MED28: variants seen among roughly 807,000 people sequenced by gnomAD.
The protein encoded by MED28 is mediator complex subunit 28.
A neutral mutation model predicts 21.3 loss-of-function variants in MED28; 26 were observed. That is an observed-to-expected ratio of 1.22 (90% CI 0.89 to 1.69). The LOEUF (loss-of-function observed/expected upper bound fraction) is 1.69, where lower values mean the gene tolerates loss of function less well. MED28 is among the 40% of genes most tolerant of loss of function. MED28 has a pLI of 0.00. For synonymous variants in MED28, 110 were observed against 87.6 expected (o/e 1.26, Z -1.43); for missense variants, 257 against 215.4 (o/e 1.19, Z -1.21).
rs1714383526 is a variant in MED28, at chr4:17,614,658, G to A, written c.4G>A (p.Ala2Thr). 1.6e-5 allele frequency: 26 copies of A among 1,606,412 alleles called. No individual in the cohort carries two copies. Among genetic ancestry groups the A allele is most frequent in the Non-Finnish European group, 2.1e-5 (25 of 1,177,322 alleles). The change falls in exon 1 of 4, where the codon GCG (alanine) becomes ACG (threonine). Residue 2 changes from alanine (A) to threonine (T), a missense_variant. Physicochemically the swap from Ala to Thr is moderately conservative, Grantham distance 58 (BLOSUM62 0). Coordinates refer to ENST00000237380, the MANE Select transcript of MED28 (RefSeq NM_025205.5). M[A>T]APLGGMFSGQ... ...TCTCTCTTGCGCCATTCCAAACATG[G>A]CGGCTCCACTAGGGGGTATGTTTTC...
At chr4:17,619,079 C>G (rs556801616) in intron 1 of MED28, among the ~76,000 whole-genome samples, 1 of 152,322 alleles carries the variant, frequency 6.6e-6, no homozygotes, top group South Asian at 2.1e-4. Context: ...AACTCCTTTT[C>G]CAACTGCCAT....
In MED28 at chr4:17,623,860, T is replaced by C. The variant is rs189536491; in HGVS notation, c.*62T>C. On this transcript the variant is annotated 3_prime_UTR_variant, in exon 4 of 4. Transcript: ENST00000237380. Reference sequence around the variant, plus strand: ...ATGCGTGAGGTTGGCCACACATTCCTTCCTGTGGACTTGACATTTTGGAAG... The same window carrying C: ...ATGCGTGAGGTTGGCCACACATTCCCTCCTGTGGACTTGACATTTTGGAAG... The C allele has an allele frequency of 5.9e-6, 9 of 1,524,554 alleles. No individual in the cohort carries two copies. The Admixed American group carries it at 1.5e-4, about 26-fold the overall frequency. The allele number at this position is 1,524,554 out of a possible 1,614,324, so 94.4% of individuals were successfully genotyped here.
At chr4:17,622,952 A>G (rs575860163) in intron 3 of MED28, among the ~76,000 whole-genome samples, 7 of 152,162 alleles carry the variant, frequency 4.6e-5, no homozygotes, top group Non-Finnish European at 8.8e-5. Flanking sequence ...CCGTGATTCA[A>G]TTACCTCTCA....
chr4:17,619,173 G>T (rs1714545206), intron 1 of MED28, among the ~76,000 whole-genome samples: 1 of 152,148 alleles, frequency 6.6e-6, no homozygotes, highest in African/African-American at 2.4e-5. Context: ...AGAGTTGCTT[G>T]TGCACAGAGC....
chr4:17,620,186 C>T (rs963889491), intron 2 of MED28: 38 of 545,762 alleles, frequency 7.0e-5, no homozygotes, highest in African/African-American at 2.9e-4. Context: ...TTTTCGTATT[C>T]GTACTAGGTA....
Position 17,633,886 on chromosome 4 carries a change from T to C in MED28, c.*10088T>C, listed in dbSNP as rs972445765. ...GGCTGGGCACGTCCTCCACCTTCTT[T>C]TTCTGTTTGTATTAATGGACAGGTT... On this transcript the variant is annotated 3_prime_UTR_variant, in exon 4 of 4. Coordinates refer to ENST00000237380, the MANE Select transcript of MED28 (RefSeq NM_025205.5). The C allele has an allele frequency of 3.2e-6, 5 of 1,546,280 alleles. No individual in the cohort carries two copies. In the African/African-American group the frequency reaches 6.9e-5, roughly 21 times the overall value.
intron 1 of MED28, among the ~76,000 whole-genome samples, chr4:17,615,252 T>C (rs186865756): frequency 6.6e-6 from 1 of 152,284 alleles, no homozygotes; most frequent in African/African-American, 2.4e-5. Flanking sequence ...TGACTTAAGT[T>C]ACCAGGCGCA....
In MED28 at chr4:17,633,965, G is replaced by T; in HGVS notation, c.*10167G>T. Reference sequence around the variant, plus strand: ...AAGCATTATTGTAAAAGCAAATAATGCTCACCCAATCAAAATTGTATCGGA... The same window carrying T: ...AAGCATTATTGTAAAAGCAAATAATTCTCACCCAATCAAAATTGTATCGGA... On this transcript the variant is annotated 3_prime_UTR_variant, in exon 4 of 4. Transcript: ENST00000237380. The T allele has an allele frequency of 1.7e-6, 2 of 1,166,440 alleles. No homozygotes were observed. The highest frequency in any genetic ancestry group is 2.3e-6 in the Non-Finnish European group (2 of 884,780). The allele number at this position is 1,166,440 out of a possible 1,614,324, so 72.3% of individuals were successfully genotyped here. A position where few individuals can be genotyped will look rare whatever the true frequency, so the allele number is the denominator to read the frequency against.
rs893454630 is a variant in MED28 at position 17,627,360 on chromosome 4, G to C, written c.*3562G>C. 6.6e-6 allele frequency: 1 copy of C among 152,346 alleles called. No individual in the cohort carries two copies. Among genetic ancestry groups the C allele is most frequent in the African/African-American group, 2.4e-5 (1 of 41,456 alleles). 9.4% of individuals were successfully genotyped at this position (152,346 alleles called of 1,614,324 possible). A position where few individuals can be genotyped will look rare whatever the true frequency, so the allele number is the denominator to read the frequency against. On this transcript the variant is annotated 3_prime_UTR_variant, in exon 4 of 4. Coordinates refer to ENST00000237380, the MANE Select transcript of MED28 (RefSeq NM_025205.5). ...CCGCCTCAGCCTCCCAAAGTACTGA[G>C]ATTACAGGCATGAGCCACCGTGCCC...
At chr4:17,616,553 C>G (rs16895312) in intron 1 of MED28, among the ~76,000 whole-genome samples, 2,473 of 152,302 alleles carry the variant, frequency 0.016, 79 homozygotes, top group African/African-American at 0.056. Context: ...TGCGTTCTCT[C>G]CTTCAGACTC....
intron 1 of MED28, among the ~76,000 whole-genome samples, chr4:17,615,544 G>A (rs1714423668): frequency 7.2e-5 from 11 of 152,210 alleles, no homozygotes; most frequent in Admixed American, 7.2e-4. Flanking sequence ...GGGCGCGGTG[G>A]CTCACGCCTG....
Position 17,625,850 on chromosome 4 carries a change from G to C in MED28, c.*2052G>C, listed in dbSNP as rs1304968998. ...TCCTGCTGTGATTGTCCAGGGGTAC[G>C]TTCTGGTCTGGCTTGGTGCTTGACC... On this transcript the variant is annotated 3_prime_UTR_variant, in exon 4 of 4. Coordinates refer to ENST00000237380, the MANE Select transcript of MED28 (RefSeq NM_025205.5). 1 of 274,986 alleles carries C rather than the reference G, an allele frequency of 3.6e-6. No homozygotes were observed. The highest frequency in any genetic ancestry group is 5.2e-5 in the Admixed American group (1 of 19,100). The allele number at this position is 274,986 out of a possible 1,614,324, so 17.0% of individuals were successfully genotyped here.
At chr4:17,618,008 CTTTTCTTTTT>C (rs1377461449) in intron 1 of MED28, among the ~76,000 whole-genome samples, 3 of 106,592 alleles carry the variant, frequency 2.8e-5, no homozygotes, top group African/African-American at 1.0e-4. Context: ...TTTTTCTTTT[CTTTTCTTTTT>C]TTTTTTTTTT....
rs1393677313 is a variant in MED28 at position 17,625,270 on chromosome 4, G to C, written c.*1472G>C. ...TAAATATATAAGGACCATATAATCT[G>C]TATCTTTTTGGTGTGTGTATATGGT... On this transcript the variant is annotated 3_prime_UTR_variant, in exon 4 of 4. Coordinates refer to ENST00000237380, the MANE Select transcript of MED28 (RefSeq NM_025205.5). 6.3e-6 allele frequency: 1 copy of C among 158,186 alleles called. No homozygotes were observed. The highest frequency in any genetic ancestry group is 1.4e-5 in the Non-Finnish European group (1 of 72,168). 9.8% of individuals were successfully genotyped at this position (158,186 alleles called of 1,614,324 possible). A position where few individuals can be genotyped will look rare whatever the true frequency, so the allele number is the denominator to read the frequency against.
Position 17,626,611 on chromosome 4 carries a change from C to A in MED28, c.*2813C>A, listed in dbSNP as rs1463021264. ...TACTGCTTAGCTTCCTTGTCAGGCT[C>A]CAAGATGCAGATTGCCTGTGGGCTA... On this transcript the variant is annotated 3_prime_UTR_variant, in exon 4 of 4. Coordinates refer to ENST00000237380, the MANE Select transcript of MED28 (RefSeq NM_025205.5). 6.6e-6 allele frequency: 1 copy of A among 152,164 alleles called. No individual in the cohort carries two copies. The highest frequency in any genetic ancestry group is 6.5e-5 in the Admixed American group (1 of 15,282). The allele number at this position is 152,164 out of a possible 1,614,324, so 9.4% of individuals were successfully genotyped here. A position where few individuals can be genotyped will look rare whatever the true frequency, so the allele number is the denominator to read the frequency against.
intron 3 of MED28, among the ~76,000 whole-genome samples, chr4:17,622,753 A>G (rs1298726999): frequency 6.6e-6 from 1 of 152,170 alleles, no homozygotes; most frequent in African/African-American, 2.4e-5. Context: ...ACAAAAGAAA[A>G]AGGTTTGATG....
rs757784959 is a variant in MED28, at chr4:17,614,676, A to G, written c.22A>G (p.Met8Val). 27 of 1,612,674 alleles carry G rather than the reference A, an allele frequency of 1.7e-5. No homozygotes were observed. The highest frequency in any genetic ancestry group is 2.3e-5 in the Non-Finnish European group (27 of 1,179,720). MAAPLGG[M>V]FSGQPPGPPQ... ...AAACATGGCGGCTCCACTAGGGGGT[A>G]TGTTTTCTGGGCAGCCACCCGGTCC... is the stretch of plus-strand genomic sequence containing the variant. Residue 8 changes from methionine (M) to valine (V), a missense_variant, in exon 1 of 4, where the codon ATG becomes GTG. Physicochemically the swap from Met to Val is conservative, Grantham distance 21. Coordinates refer to ENST00000237380, the MANE Select transcript of MED28 (RefSeq NM_025205.5).
intron 3 of MED28, among the ~76,000 whole-genome samples, chr4:17,622,921 C>G (rs544977681): frequency 3.5e-4 from 53 of 152,240 alleles, no homozygotes; most frequent in African/African-American, 1.2e-3. Flanking sequence ...ACCAGGAGAA[C>G]AGCATGGGAA....
intron 1 of MED28, among the ~76,000 whole-genome samples, chr4:17,618,526 G>C (rs891293841): frequency 2.0e-5 from 3 of 151,086 alleles, no homozygotes; most frequent in African/African-American, 7.3e-5. Context: ...GTCAACTTTC[G>C]TTTTTTTTGA....
Sources: allele counts gnomAD v4.1 joint callset (sites outside exome capture counted in the v4.1 genomes callset), GRCh38; gene constraint gnomAD v4.1.1; transcripts MANE v1.5; gene names NCBI Gene and HGNC (gene_info 2026-07-23, HGNC 2026-07-21).